The following WDR64 variants were observed in gnomAD, a reference collection of about 807,000 sequenced individuals.
The protein encoded by WDR64 is WD repeat domain 64, also known as WD repeat-containing protein 64.
In WDR64, 112 loss-of-function variants were observed where a neutral mutation model predicts 139.3. That is an observed-to-expected ratio of 0.80 (90% CI 0.69 to 0.94). The LOEUF is 0.94. Among genes scored for constraint, WDR64 ranks in the 40% least tolerant of loss-of-function variants. The pLI, the probability that WDR64 is intolerant of heterozygous loss-of-function variation, is 0.00. For synonymous variants in WDR64, 444 were observed against 437.7 expected, an observed-to-expected ratio of 1.01 and a Z score of -0.18; for missense variants, 1,206 against 1,293.1, an observed-to-expected ratio of 0.93 and a Z score of 1.03.
chr1:241,687,695 A>C, intron 8 of WDR64, 100 bp downstream of exon 8: 1 of 1,216,986 alleles, frequency 8.2e-7, no homozygotes, highest in Non-Finnish European at 1.1e-6. Flanking sequence ...TGGCTTTAAA[A>C]AAATCGGACA....
chr1:241,660,749 A>T (rs1665800806), intron 2 of WDR64, 89 bp downstream of exon 2: 2 of 1,436,566 alleles, frequency 1.4e-6, no homozygotes. Context: ...TTACTGCCAC[A>T]GGGGTTGAAC....
At chr1:241,790,148 C>T (rs375122461) in intron 24 of WDR64, among the ~76,000 whole-genome samples, 38 of 151,988 alleles carry the variant, frequency 2.5e-4, no homozygotes, top group African/African-American at 8.9e-4. Context: ...GTCAGGAGTT[C>T]GAGACCAGCC....
chr1:241,766,254 G>A lies in WDR64; in HGVS notation c.1984G>A (p.Asp662Asn). ...GGATTTATTACGAGTGAACTGCATT[G>A]ATTTACTACAAGTAGAAGGATATAA... ...TMDLLRVNCI[D>N]LLQVEGYNLI... The change falls in exon 16 of 28, where the codon GAT becomes AAT. Residue 662 changes from aspartate to asparagine, a missense_variant. By Grantham distance (23) the Asp-to-Asn change is conservative. Coordinates refer to ENST00000437684, the MANE Select transcript of WDR64 (RefSeq NM_001367482.1). The A allele has an allele frequency of 1.5e-5, 25 of 1,614,046 alleles. No homozygotes were observed. Among genetic ancestry groups the A allele is most frequent in the Non-Finnish European group, 2.0e-5 (24 of 1,179,990 alleles).
chr1:241,734,484 ATAGAT>A (rs1669216775), intron 10 of WDR64, among the ~76,000 whole-genome samples: 1 of 152,174 alleles, frequency 6.6e-6, no homozygotes, highest in Non-Finnish European at 1.5e-5. Flanking sequence ...AATAAAGTAA[ATAGAT>A]TAGTTTTCTG....
intron 13 of WDR64, among the ~76,000 whole-genome samples, chr1:241,745,987 A>C (rs1348021144): frequency 6.6e-6 from 1 of 152,210 alleles, no homozygotes; most frequent in Non-Finnish European, 1.5e-5. Context: ...AATGTATGAG[A>C]ACACGATAAT....
intron 1 of WDR64, among the ~76,000 whole-genome samples, chr1:241,657,032 T>C (rs755298264): frequency 3.3e-5 from 5 of 152,026 alleles, no homozygotes; most frequent in Non-Finnish European, 7.4e-5. Flanking sequence ...TAGCATATCT[T>C]TACAATTCTA....
chr1:241,793,690 G>T (rs1239650818), intron 25 of WDR64, among the ~76,000 whole-genome samples: 1 of 152,152 alleles, frequency 6.6e-6, no homozygotes, highest in Non-Finnish European at 1.5e-5. Flanking sequence ...AACAGACTTA[G>T]GTTTAATTTT....
At chr1:241,771,941 C>CATATATATAT (rs1359575397) in intron 19 of WDR64, among the ~76,000 whole-genome samples, 12 of 28,948 alleles carry the variant, frequency 4.1e-4, no homozygotes, top group South Asian at 8.1e-4. Flanking sequence ...TACATACATA[C>CATATATATAT]ATACATATAT....
intron 11 of WDR64, among the ~76,000 whole-genome samples, chr1:241,741,234 G>A (rs957284720): frequency 5.3e-5 from 8 of 152,170 alleles, no homozygotes; most frequent in Non-Finnish European, 1.0e-4. Context: ...AGGAAAATGA[G>A]GTTCACTAAA....
intron 9 of WDR64, among the ~76,000 whole-genome samples, chr1:241,713,308 C>A (rs952070534): frequency 2.7e-5 from 3 of 111,548 alleles, no homozygotes; most frequent in African/African-American, 1.1e-4. Flanking sequence ...AAGACCCTGT[C>A]TCAAAAAGAA....
In WDR64 at chr1:241,687,507, A is replaced by G; in HGVS notation, c.886A>G (p.Ile296Val). The change falls in exon 8 of 28, where the codon ATT becomes GTT. Residue 296 changes from isoleucine (I) to valine (V), a missense_variant. Physicochemically the swap from Ile to Val is conservative, Grantham distance 29 (BLOSUM62 3). Coordinates refer to ENST00000437684, the MANE Select transcript of WDR64 (RefSeq NM_001367482.1). Reference sequence around the variant, plus strand: ...TGACTGGGTTATGAAAATTAGATATATTTCAGCCCTAAATTGTTTTGGATC... The same window carrying G: ...TGACTGGGTTATGAAAATTAGATATGTTTCAGCCCTAAATTGTTTTGGATC... ...HNDWVMKIRY[I>V]SALNCFGSCS... The G allele has an allele frequency of 1.9e-6, 3 of 1,613,862 alleles. No homozygotes were observed. Among genetic ancestry groups the G allele is most frequent in the Non-Finnish European group, 2.5e-6 (3 of 1,179,872 alleles).
At position 241,801,779 on chromosome 1, in the gene WDR64, AC is replaced by A; in HGVS notation, c.*565del. 2.5e-6 allele frequency: 1 copy of A among 398,318 alleles called. No homozygotes were observed. Among genetic ancestry groups the A allele is most frequent in the East Asian group, 3.6e-5 (1 of 28,020 alleles). 24.7% of individuals were successfully genotyped at this position (398,318 alleles called of 1,614,324 possible). ...ACCTGACTCCAGATAAATATAAAAG[AC>A]GGCAAAGAAAGGAAGAAAAATGGGT... On this transcript the variant is annotated 3_prime_UTR_variant, in exon 28 of 28. Transcript: ENST00000437684.
chr1:241,676,745 GTTT>G (rs11342790), intron 4 of WDR64, among the ~76,000 whole-genome samples: 14 of 124,324 alleles, frequency 1.1e-4, no homozygotes, highest in Admixed American at 1.6e-4. Context: ...AAAATTAATG[GTTT>G]TTTTTTTTTT....
chr1:241,682,990 T>G (rs1355767719), intron 6 of WDR64, among the ~76,000 whole-genome samples: 1 of 152,192 alleles, frequency 6.6e-6, no homozygotes, highest in South Asian at 2.1e-4. Flanking sequence ...AATAGCTGTA[T>G]AGCTTAGTGG....
chr1:241,735,344 T>C (rs1015955167), intron 10 of WDR64, among the ~76,000 whole-genome samples: 2 of 90,608 alleles, frequency 2.2e-5, no homozygotes, highest in Non-Finnish European at 4.8e-5. Context: ...TGTGTCTTTG[T>C]GTTGTTGCTT....
At chr1:241,712,773 G>A (rs915823805) in intron 9 of WDR64, among the ~76,000 whole-genome samples, 4 of 152,050 alleles carry the variant, frequency 2.6e-5, no homozygotes, top group African/African-American at 9.7e-5. Flanking sequence ...GAGCCTAGGA[G>A]TTCAAGACTG....
At chr1:241,711,728 T>C in intron 8 of WDR64, 74 bp from the exon 9 acceptor site, 1 of 1,469,452 alleles carries the variant, frequency 6.8e-7, no homozygotes, top group African/African-American at 1.4e-5. Context: ...CTATCAAACA[T>C]AATCTATTTA....
At chr1:241,674,995 C>CCTTCCTG in intron 4 of WDR64, among the ~76,000 whole-genome samples, 2 of 36,202 alleles carry the variant, frequency 5.5e-5, no homozygotes, top group Non-Finnish European at 1.6e-4. Context: ...CTCCCTTTCT[C>CCTTCCTG]CCTCCCTCTC....
intron 14 of WDR64, among the ~76,000 whole-genome samples, chr1:241,756,465 G>A (rs1157363400): frequency 1.3e-5 from 2 of 152,102 alleles, no homozygotes; most frequent in Non-Finnish European, 2.9e-5. Context: ...TGAAATGATG[G>A]GGTTTTCTAA....
Sources: allele counts gnomAD v4.1 joint callset (sites outside exome capture counted in the v4.1 genomes callset), GRCh38; gene constraint gnomAD v4.1.1; transcripts MANE v1.5; gene names NCBI Gene and HGNC (gene_info 2026-07-23, HGNC 2026-07-21).